Variants in PIGU observed in about 807,000 individuals in gnomAD.
PIGU encodes the protein phosphatidylinositol glycan anchor biosynthesis class U.
In PIGU, 24 loss-of-function variants were observed where a neutral mutation model predicts 49.9. The observed-to-expected ratio is 0.48, with a 90% confidence interval of 0.35 to 0.68. The LOEUF (loss-of-function observed/expected upper bound fraction) is 0.68, where lower values mean the gene tolerates loss of function less well. Among genes scored for constraint, PIGU ranks in the 30% least tolerant of loss-of-function variants. The pLI is 0.01. For synonymous variants in PIGU, 220 were observed against 205.7 expected (o/e 1.07, Z -0.59); for missense variants, 490 against 532.6 (o/e 0.92, Z 0.79).
intron 11 of PIGU, among the ~76,000 whole-genome samples, chr20:34,567,388 G>A (rs1198655108): frequency 6.6e-6 from 1 of 152,204 alleles, no homozygotes; most frequent in Non-Finnish European, 1.5e-5. Context: ...GTCACAAGGT[G>A]AGACTGAGGA....
rs1319313604 is a variant in PIGU at position 34,645,226 on chromosome 20, T to C, written c.255+49A>G. 22 of 1,282,216 alleles carry C rather than the reference T, an allele frequency of 1.7e-5. 1 individual carries two copies. The highest frequency in any genetic ancestry group is 4.6e-5 in the South Asian group (3 of 65,560). The allele number at this position is 1,282,216 out of a possible 1,614,324, so 79.4% of individuals were successfully genotyped here. On this transcript the variant is annotated intron_variant, in intron 3 of 11. Coordinates refer to ENST00000217446, the MANE Select transcript of PIGU (RefSeq NM_080476.5). ...AAAGAGAGAGAGAGACAATAAACCA[T>C]AAAATTTAAAAATATATACATATCA...
chr20:34,650,698 C>CTTT (rs1568658806), intron 2 of PIGU, among the ~76,000 whole-genome samples: 2 of 43,950 alleles, frequency 4.6e-5, no homozygotes, highest in Non-Finnish European at 4.8e-5. Flanking sequence ...TTCTTTTTTT[C>CTTT]TCTTTTTTTT....
At chr20:34,636,695 T>C (rs1985975725) in intron 5 of PIGU, among the ~76,000 whole-genome samples, 1 of 152,158 alleles carries the variant, frequency 6.6e-6, no homozygotes, top group Non-Finnish European at 1.5e-5. Flanking sequence ...AGTGAAAAGG[T>C]AGACTAGTTA....
intron 7 of PIGU, among the ~76,000 whole-genome samples, chr20:34,597,697 AGACT>A (rs1302345672): frequency 2.0e-5 from 3 of 152,264 alleles, no homozygotes; most frequent in Non-Finnish European, 1.5e-5. Flanking sequence ...ATGAAAAATA[AGACT>A]GACTGATGGA....
intron 11 of PIGU, among the ~76,000 whole-genome samples, chr20:34,566,039 TACAC>T (rs1204420919): frequency 2.0e-5 from 3 of 149,570 alleles, no homozygotes; most frequent in Admixed American, 6.7e-5. Flanking sequence ...TGCACACACA[TACAC>T]GCACGCTCTC....
Position 34,588,404 on chromosome 20 carries a change from T to G in PIGU, c.782+49A>C, listed in dbSNP as rs1328480775. The G allele has an allele frequency of 1.9e-6, 3 of 1,545,542 alleles. No homozygotes were observed. In the Admixed American group the frequency reaches 5.4e-5, roughly 28 times the overall value. On this transcript the variant is annotated intron_variant, in intron 8 of 11. Coordinates refer to ENST00000217446, the MANE Select transcript of PIGU (RefSeq NM_080476.5). ...ATTCTTGACAACAGTATACAAGGGT[T>G]CCCTTTTCCCCACAGCTTCTAGAAT...
Position 34,618,102 on chromosome 20 carries a change from T to A in PIGU, c.530-1963A>T, listed in dbSNP as rs185006652. On this transcript the variant is annotated intron_variant, in intron 6 of 11. Coordinates refer to ENST00000217446, the MANE Select transcript of PIGU (RefSeq NM_080476.5). ...CCCAGTCTCGGACTACCAAAAAAAA[T>A]AAAATAAATAAATAGAAGACTAAAA... 4.5e-3 allele frequency among the ~76,000 whole-genome samples: 692 copies of A among 152,134 alleles called. 6 individuals are homozygous for A. The highest frequency in any genetic ancestry group is 0.015 in the African/African-American group (629 of 41,518).
intron 7 of PIGU, among the ~76,000 whole-genome samples, chr20:34,608,731 G>A (rs2146734046): frequency 6.6e-6 from 1 of 152,188 alleles, no homozygotes; most frequent in Middle Eastern, 3.4e-3. Context: ...GCCGATCAGG[G>A]TACAGCCACT....
intron 5 of PIGU, among the ~76,000 whole-genome samples, chr20:34,637,307 A>G (rs976520977): frequency 5.9e-5 from 9 of 152,342 alleles, no homozygotes; most frequent in Admixed American, 5.9e-4. Flanking sequence ...ATAATTATTC[A>G]CATTTGCCTA....
intron 11 of PIGU, chr20:34,562,587 A>C: frequency 9.3e-6 from 12 of 1,284,364 alleles, no homozygotes; most frequent in Non-Finnish European, 1.1e-5. Context: ...AACAATCCTC[A>C]TCTTAAACAG....
At chr20:34,639,806 T>C (rs73105091) in intron 4 of PIGU, among the ~76,000 whole-genome samples, 1 of 152,104 alleles carries the variant, frequency 6.6e-6, no homozygotes, top group Non-Finnish European at 1.5e-5. Context: ...AGTTAAGCGG[T>C]GGGAATTATC....
chr20:34,579,726 A>G (rs1168094849), intron 10 of PIGU, among the ~76,000 whole-genome samples: 2 of 152,200 alleles, frequency 1.3e-5, no homozygotes, highest in South Asian at 4.1e-4. Context: ...AGCAAAAGCA[A>G]CTATTAGATC....
chr20:34,675,467 C>G (rs1394863488), intron 1 of PIGU, among the ~76,000 whole-genome samples: 1 of 152,102 alleles, frequency 6.6e-6, no homozygotes, highest in African/African-American at 2.4e-5. Context: ...CAAGCTCTTA[C>G]AATCTCAGAC....
intron 11 of PIGU, among the ~76,000 whole-genome samples, chr20:34,569,849 T>C (rs1982931421): frequency 6.6e-6 from 1 of 152,186 alleles, no homozygotes; most frequent in Admixed American, 6.5e-5. Flanking sequence ...GATACAGCCA[T>C]GAAGAAGACA....
chr20:34,610,041 G>A (rs1286159009), intron 7 of PIGU, among the ~76,000 whole-genome samples: 1 of 152,140 alleles, frequency 6.6e-6, no homozygotes, highest in Non-Finnish European at 1.5e-5. Context: ...CCCCAGCCAT[G>A]TGGAACTGTG....
chr20:34,652,240 A>C (rs1007723218), intron 2 of PIGU, among the ~76,000 whole-genome samples: 1 of 152,106 alleles, frequency 6.6e-6, no homozygotes, highest in Non-Finnish European at 1.5e-5. Context: ...CCTAGGCTCA[A>C]GCAATACTCC....
rs1310524007 is a variant in PIGU, at chr20:34,638,003, A to C, written c.319-18T>G. ...TTTTTAAACTAGAAAAAAAAAAAAA[A>C]GGAAAAGATAAAACACATGAAACAA... On this transcript the variant is annotated intron_variant, in intron 4 of 11. Transcript: ENST00000217446. 6.4e-7 allele frequency: 1 copy of C among 1,559,928 alleles called. No individual in the cohort carries two copies. The highest frequency in any genetic ancestry group is 8.6e-7 in the Non-Finnish European group (1 of 1,164,264).
chr20:34,569,143 G>A (rs1982898807), intron 11 of PIGU, among the ~76,000 whole-genome samples: 2 of 152,096 alleles, frequency 1.3e-5, no homozygotes, highest in South Asian at 2.1e-4. Flanking sequence ...GGTTGAGGCT[G>A]CAGTGAGCTG....
intron 5 of PIGU, among the ~76,000 whole-genome samples, chr20:34,636,975 TTC>T (rs2146762992): frequency 6.6e-6 from 1 of 152,330 alleles, no homozygotes; most frequent in South Asian, 2.1e-4. Flanking sequence ...GTTGCTAAAT[TTC>T]TGGTTCTATT....
Sources: allele counts gnomAD v4.1 joint callset (sites outside exome capture counted in the v4.1 genomes callset), GRCh38; gene constraint gnomAD v4.1.1; transcripts MANE v1.5; gene names NCBI Gene and HGNC (gene_info 2026-07-23, HGNC 2026-07-21).